The following NDFIP2 variants were observed in gnomAD, a reference collection of about 807,000 sequenced individuals.
NDFIP2 encodes NEDD4 family-interacting protein 2.
Under a neutral mutation model 36.0 loss-of-function variants are expected in NDFIP2, and 19 were observed. The observed-to-expected ratio is 0.53, with a 90% CI of 0.37 to 0.77. NDFIP2 has a LOEUF of 0.77. Among genes scored for constraint, NDFIP2 ranks in the 30% least tolerant of loss-of-function variants. NDFIP2 has a pLI of 0.00. For missense variants in NDFIP2, 446 were observed against 435.8 expected, an observed-to-expected ratio of 1.02 and a Z score of -0.21; for synonymous variants, 181 against 167.7, an observed-to-expected ratio of 1.08 and a Z score of -0.61.
intron 1 of NDFIP2, among the ~76,000 whole-genome samples, chr13:79,513,967 A>G (rs1452999308): frequency 2.0e-5 from 3 of 152,316 alleles, no homozygotes; most frequent in African/African-American, 7.2e-5. Context: ...CATATAGAGC[A>G]TGTTGTATTC....
At position 79,542,899 on chromosome 13, in the gene NDFIP2, C is replaced by T. The variant is rs117020077; in HGVS notation, c.716-659C>T. On this transcript the variant is annotated intron_variant, in intron 4 of 7. Coordinates refer to ENST00000218652, the MANE Select transcript of NDFIP2 (RefSeq NM_019080.3). ...TTTTTTTTCCTTTTTTTTTTTGAGC[C>T]GGAGTCTTGCTCTGTTGCCCACATT... Among the ~76,000 whole-genome samples, 27 of 150,788 alleles carry T rather than the reference C, an allele frequency of 1.8e-4. No homozygotes were observed. The East Asian group carries it at 2.5e-3, about 14-fold the overall frequency.
rs756884977 is a variant in NDFIP2 at position 79,520,915 on chromosome 13, G to T, written c.427G>T (p.Glu143Ter). Reference sequence around the variant, plus strand: ...GGCTGCGTCTTCAGCACCAGCACTTGAAACTGACTCTTCCCCTCCACCATA... The same window carrying T: ...GGCTGCGTCTTCAGCACCAGCACTTTAAACTGACTCTTCCCCTCCACCATA... ...VQAASSAPAL[E>*]TDSSPPPYSS... The change falls in exon 2 of 8, where the codon GAA (glutamate) becomes TAA (stop). Residue 143 changes from glutamate (E) to a stop codon, truncating the protein, a stop_gained. Coordinates refer to ENST00000218652, the MANE Select transcript of NDFIP2 (RefSeq NM_019080.3). LOFTEE classifies it high-confidence loss of function. The T allele has an allele frequency of 6.2e-7, 1 of 1,613,696 alleles. No individual in the cohort carries two copies.
chr13:79,490,803 G>T (rs1252132689), intron 1 of NDFIP2, among the ~76,000 whole-genome samples: 1 of 152,140 alleles, frequency 6.6e-6, no homozygotes, highest in African/African-American at 2.4e-5. Flanking sequence ...ATGTGGTGAG[G>T]TTGTTTTGCA....
Sources: allele counts gnomAD v4.1 joint callset (sites outside exome capture counted in the v4.1 genomes callset), GRCh38; gene constraint gnomAD v4.1.1; transcripts MANE v1.5; gene names NCBI Gene and HGNC (gene_info 2026-07-23, HGNC 2026-07-21).